The following SORCS1 variants were observed in gnomAD, a reference collection of about 807,000 sequenced individuals.
SORCS1 encodes sortilin related VPS10 domain containing receptor 1, also known as VPS10 domain-containing receptor SorCS1.
Under a neutral mutation model 146.1 loss-of-function variants are expected in SORCS1, and 60 were observed. The observed-to-expected ratio is 0.41, with a 90% CI of 0.33 to 0.51. The LOEUF (loss-of-function observed/expected upper bound fraction) is 0.51, where lower values mean the gene tolerates loss of function less well. SORCS1 is among the 20% of genes least tolerant of loss of function. SORCS1 has a pLI of 0.21. For synonymous variants in SORCS1, 637 were observed against 584.0 expected (o/e 1.09, Z -1.31); for missense variants, 1,352 against 1,487.6 (o/e 0.91, Z 1.50).
chr10:106,816,842 T>A (rs1405845265), intron 3 of SORCS1, among the ~76,000 whole-genome samples: 1 of 152,176 alleles, frequency 6.6e-6, no homozygotes, highest in East Asian at 1.9e-4. Context: ...GCACTGGCGC[T>A]GCAGGGGTAA....
Position 107,102,772 on chromosome 10 carries a change from C to G in SORCS1, c.558+61197G>C, listed in dbSNP as rs183782631. Among the ~76,000 whole-genome samples the G allele has an allele frequency of 1.1e-3, 170 of 152,014 alleles. 2 individuals are homozygous for G. The highest frequency in any genetic ancestry group is 0.011 in the Admixed American group (169 of 15,256). On this transcript the variant is annotated intron_variant, in intron 1 of 25. Transcript: ENST00000263054. ...AAAAATGCACACACAATTAGAGGGG[C>G]AAGTATTTTAAAGAGTATATAGTAT...
intron 2 of SORCS1, among the ~76,000 whole-genome samples, chr10:106,871,556 C>T (rs890320968): frequency 1.3e-5 from 2 of 152,190 alleles, no homozygotes; most frequent in Admixed American, 1.3e-4. Flanking sequence ...AAATGCTATA[C>T]AGCCATCAAA....
At chr10:106,923,821 A>AT (rs753051512) in intron 2 of SORCS1, among the ~76,000 whole-genome samples, 2 of 152,076 alleles carry the variant, frequency 1.3e-5, no homozygotes, top group Non-Finnish European at 2.9e-5. Flanking sequence ...TTTGTGTTTG[A>AT]TTTTTTAAAG....
intron 17 of SORCS1, chr10:106,667,074 C>A (rs923558455): frequency 1.3e-5 from 2 of 152,194 alleles, no homozygotes; most frequent in African/African-American, 4.8e-5. Context: ...ACATTTGAGA[C>A]AAATTTATGA....
intron 10 of SORCS1, among the ~76,000 whole-genome samples, chr10:106,684,716 A>G (rs1852695575): frequency 6.6e-6 from 1 of 152,186 alleles, no homozygotes; most frequent in Non-Finnish European, 1.5e-5. Context: ...GCCCTGCTGA[A>G]AAAATCTCTT....
At chr10:106,711,442 G>A (rs1224381444) in intron 6 of SORCS1, among the ~76,000 whole-genome samples, 2 of 152,148 alleles carry the variant, frequency 1.3e-5, no homozygotes, top group Non-Finnish European at 2.9e-5. Flanking sequence ...CTAGGAAGGC[G>A]GAATTGTCCA....
chr10:106,850,875 C>T (rs1249984421), intron 2 of SORCS1, among the ~76,000 whole-genome samples: 1 of 152,192 alleles, frequency 6.6e-6, no homozygotes, highest in Non-Finnish European at 1.5e-5. Flanking sequence ...CCCTACGGCC[C>T]TATTCTAGGC....
intron 5 of SORCS1, among the ~76,000 whole-genome samples, chr10:106,748,840 T>C (rs1461168111): frequency 6.6e-6 from 1 of 152,176 alleles, no homozygotes; most frequent in Non-Finnish European, 1.5e-5. Context: ...ATTGATTATA[T>C]TGACTAATCC....
chr10:106,592,569 C>T (rs1191019688), intron 24 of SORCS1, among the ~76,000 whole-genome samples: 3 of 152,176 alleles, frequency 2.0e-5, no homozygotes, highest in Non-Finnish European at 4.4e-5. Context: ...TGAACATCTG[C>T]TGAGCAATTA....
the SORCS1 span, among the ~76,000 whole-genome samples, chr10:107,177,143 T>C: frequency 6.6e-6 from 1 of 152,174 alleles, no homozygotes; most frequent in Non-Finnish European, 1.5e-5. Context: ...TATATTAATA[T>C]AGTTTTGCCT....
chr10:107,076,121 G>A (rs1962862146), intron 1 of SORCS1, among the ~76,000 whole-genome samples: 1 of 152,108 alleles, frequency 6.6e-6, no homozygotes, highest in Non-Finnish European at 1.5e-5. Context: ...CTGAGAGCCA[G>A]CTGCCCACAG....
At chr10:106,982,303 C>T (rs1361493163) in intron 1 of SORCS1, among the ~76,000 whole-genome samples, 1 of 152,140 alleles carries the variant, frequency 6.6e-6, no homozygotes, top group Non-Finnish European at 1.5e-5. Context: ...TGTGTATATA[C>T]ATATAGCTAA....
At chr10:106,951,434 C>T (rs1308282175) in intron 2 of SORCS1, among the ~76,000 whole-genome samples, 1 of 151,448 alleles carries the variant, frequency 6.6e-6, no homozygotes, top group Admixed American at 6.6e-5. Context: ...GGCGGGTGAA[C>T]CCAGGAGGCA....
chr10:106,788,193 C>A (rs1429407939), intron 3 of SORCS1, among the ~76,000 whole-genome samples: 1 of 152,108 alleles, frequency 6.6e-6, no homozygotes, highest in African/African-American at 2.4e-5. Context: ...GGGGAACCAC[C>A]CTCATGATCA....
intron 3 of SORCS1, among the ~76,000 whole-genome samples, chr10:106,793,583 G>A (rs1407249265): frequency 1.3e-5 from 2 of 152,166 alleles, no homozygotes; most frequent in Non-Finnish European, 2.9e-5. Flanking sequence ...GGGGCAGGAA[G>A]TTCAAGCTAA....
intron 19 of SORCS1, among the ~76,000 whole-genome samples, chr10:106,623,508 T>C (rs549965331): frequency 6.6e-6 from 1 of 151,466 alleles, no homozygotes; most frequent in Admixed American, 6.6e-5. Flanking sequence ...CCTCCCAAAG[T>C]GTTGGGATTA....
chr10:107,004,159 G>A (rs1339436718), intron 1 of SORCS1, among the ~76,000 whole-genome samples: 1 of 120,172 alleles, frequency 8.3e-6, no homozygotes, highest in Non-Finnish European at 1.6e-5. Flanking sequence ...CTGGGCGACA[G>A]AGTGTGATCC....
At chr10:106,903,366 C>T (rs925941963) in intron 2 of SORCS1, among the ~76,000 whole-genome samples, 5 of 152,136 alleles carry the variant, frequency 3.3e-5, no homozygotes, top group Non-Finnish European at 5.9e-5. Context: ...TAATGAATTG[C>T]TTTCCTGACT....
chr10:106,937,686 G>A lies in SORCS1; in HGVS notation c.626+18827C>T, dbSNP rs534551828. 2.6e-5 allele frequency among the ~76,000 whole-genome samples: 4 copies of A among 152,204 alleles called. No homozygotes were observed. The South Asian group carries it at 6.2e-4, about 24-fold the overall frequency. On this transcript the variant is annotated intron_variant, in intron 2 of 25. Coordinates refer to ENST00000263054, the MANE Select transcript of SORCS1 (RefSeq NM_052918.5). ...TAGCAGTATGAAAATGGTCTAGGCT[G>A]GGCACGGTGGCTCATGCCTGTAATC... is the stretch of plus-strand genomic sequence containing the variant.
Sources: allele counts gnomAD v4.1 joint callset (sites outside exome capture counted in the v4.1 genomes callset), GRCh38; gene constraint gnomAD v4.1.1; transcripts MANE v1.5; gene names NCBI Gene and HGNC (gene_info 2026-07-23, HGNC 2026-07-21).